Variants in CSF2RA observed in about 807,000 individuals in gnomAD.
CSF2RA encodes granulocyte-macrophage colony-stimulating factor receptor subunit alpha.
A neutral mutation model predicts 51.6 loss-of-function variants in CSF2RA; 42 were observed. That is an observed-to-expected ratio of 0.81 (90% CI 0.64 to 1.05). The LOEUF (loss-of-function observed/expected upper bound fraction) is 1.05. Ranked by LOEUF, CSF2RA falls within the 50% of genes least tolerant of loss-of-function variation. The pLI, the probability that CSF2RA is intolerant of heterozygous loss-of-function variation, is 0.00. For missense variants in CSF2RA, 530 were observed against 501.1 expected (o/e 1.06, Z -0.55); for synonymous variants, 222 against 193.0 (o/e 1.15, Z -1.24).
chrX:1,296,719 C>G (rs1429441827), intron 9 of CSF2RA, among the ~76,000 whole-genome samples: 1 of 17,836 alleles, frequency 5.6e-5, no homozygotes, highest in Admixed American at 4.5e-4. Flanking sequence ...CTCACGACCC[C>G]TACAGTCTCC....
rs145941431 is a variant in CSF2RA at position 1,306,515 on chromosome X, C to T, written c.1125+988C>T. On this transcript the variant is annotated intron_variant, in intron 12 of 12. Coordinates refer to ENST00000381529, the MANE Select transcript of CSF2RA (RefSeq NM_172245.4). Reference sequence around the variant, plus strand: ...TGCAAAAATTAGCCAGGTGTGGTGGCGCACACCTGTAATCCCACCTACTCT... The same window carrying T: ...TGCAAAAATTAGCCAGGTGTGGTGGTGCACACCTGTAATCCCACCTACTCT... 7.8e-3 allele frequency among the ~76,000 whole-genome samples: 1,176 copies of T among 151,572 alleles called. 10 individuals carry two copies. The highest frequency in any genetic ancestry group is 0.011 in the Non-Finnish European group (756 of 67,856).
intron 3 of CSF2RA, among the ~76,000 whole-genome samples, chrX:1,283,684 C>G (rs764199833): frequency 6.6e-6 from 1 of 152,000 alleles, no homozygotes; most frequent in South Asian, 2.1e-4. Flanking sequence ...TCTCCTGCCT[C>G]AGCCTCCCGA....
chrX:1,308,248 A>G (rs1328163913), intron 12 of CSF2RA, among the ~76,000 whole-genome samples: 1 of 152,122 alleles, frequency 6.6e-6, no homozygotes, highest in Non-Finnish European at 1.5e-5. Context: ...GGGACACGTC[A>G]TTGGTGCCGG....
At chrX:1,285,668 C>T in intron 3 of CSF2RA, 110 bp from the exon 4 acceptor site, 1 of 1,346,660 alleles carries the variant, frequency 7.4e-7, no homozygotes, top group Admixed American at 2.3e-5. Flanking sequence ...CAGCACTGCA[C>T]TCCAGCCTGG....
the CSF2RA span, among the ~76,000 whole-genome samples, chrX:1,315,464 C>T: frequency 5.9e-5 from 9 of 151,962 alleles, no homozygotes; most frequent in Admixed American, 1.3e-4. Flanking sequence ...AGTGCAGTGG[C>T]GCGATCTCAG....
intron 3 of CSF2RA, among the ~76,000 whole-genome samples, chrX:1,285,196 C>T (rs1269568341): frequency 3.3e-5 from 5 of 152,168 alleles, no homozygotes; most frequent in East Asian, 1.9e-4. Context: ...CCACCACCCC[C>T]AGTCTTCAGA....
At chrX:1,303,459 C>T (rs765973710) in intron 10 of CSF2RA, 7 of 435,344 alleles carry the variant, frequency 1.6e-5, no homozygotes, top group African/African-American at 4.0e-5. Flanking sequence ...AGGCTTGTCT[C>T]GAACTCCTGA....
In CSF2RA at chrX:1,297,291, A is replaced by C. The variant is rs28583195; in HGVS notation, c.810+1835A>C. Among the ~76,000 whole-genome samples the C allele has an allele frequency of 3.4e-3, 20 of 5,854 alleles. 2 individuals are homozygous for C. The highest frequency in any genetic ancestry group is 0.027 in the East Asian group (7 of 264). The allele number at this position is 5,854 out of a possible 152,430, so 3.8% of individuals were successfully genotyped here. On this transcript the variant is annotated intron_variant, in intron 9 of 12. Coordinates refer to ENST00000381529, the MANE Select transcript of CSF2RA (RefSeq NM_172245.4). ...CTACAGTCCCCTACTCACGACCCCT[A>C]CAGTCTCCTACCCATGACCCCTGGC...
intron 2 of CSF2RA, among the ~76,000 whole-genome samples, chrX:1,277,398 C>T (rs1414403505): frequency 6.7e-5 from 10 of 150,002 alleles, no homozygotes; most frequent in African/African-American, 2.5e-4. Flanking sequence ...GAGTTCGAGA[C>T]CAGCCTGACC....
At chrX:1,296,184 T>C (rs73618047) in intron 9 of CSF2RA, among the ~76,000 whole-genome samples, 5,310 of 140,446 alleles carry the variant, frequency 0.038, 331 homozygotes, top group African/African-American at 0.13. Flanking sequence ...CTACACCTAG[T>C]GTAACTAACC....
rs755064345 is a variant in CSF2RA, at chrX:1,309,522, C to T, written c.*43C>T. Reference sequence around the variant, plus strand: ...AATGGCATGGACATCTCCGCCTCCGCGACACGGGGGAACTGTTTTCTTGAT... The same window carrying T: ...AATGGCATGGACATCTCCGCCTCCGTGACACGGGGGAACTGTTTTCTTGAT... On this transcript the variant is annotated 3_prime_UTR_variant, in exon 13 of 13. Coordinates refer to ENST00000381529, the MANE Select transcript of CSF2RA (RefSeq NM_172245.4). 25 of 1,613,824 alleles carry T rather than the reference C, an allele frequency of 1.5e-5. No individual in the cohort carries two copies. In the East Asian group the frequency reaches 1.6e-4, roughly 10 times the overall value.
chrX:1,310,889 G>T (rs1376320574), downstream of CSF2RA, among the ~76,000 whole-genome samples: 1 of 151,940 alleles, frequency 6.6e-6, no homozygotes, highest in Non-Finnish European at 1.5e-5. Flanking sequence ...TAAATGGCTT[G>T]GTGCCTTTCT....
chrX:1,286,813 C>A (rs1360964978), intron 4 of CSF2RA, among the ~76,000 whole-genome samples: 3 of 152,064 alleles, frequency 2.0e-5, no homozygotes, highest in Non-Finnish European at 4.4e-5. Context: ...GCCCCTGGGT[C>A]TGTGGTGGAA....
the CSF2RA span, among the ~76,000 whole-genome samples, chrX:1,315,769 TAATA>T: frequency 9.7e-4 from 109 of 112,896 alleles, 1 homozygote; most frequent in African/African-American, 3.4e-3. Flanking sequence ...ATAAAATAGA[TAATA>T]GATAGATAGA....
chrX:1,323,056 G>A, the CSF2RA span, among the ~76,000 whole-genome samples: 2 of 151,898 alleles, frequency 1.3e-5, no homozygotes, highest in African/African-American at 4.8e-5. Context: ...GTGAACCCGG[G>A]AGGTGGAGGT....
intron 3 of CSF2RA, among the ~76,000 whole-genome samples, chrX:1,282,982 T>C (rs1329447538): frequency 6.6e-6 from 1 of 152,102 alleles, no homozygotes; most frequent in Non-Finnish European, 1.5e-5. Flanking sequence ...CATCCACCCA[T>C]TCTACAGATG....
At chrX:1,283,441 TTTC>T (rs1394136125) in intron 3 of CSF2RA, among the ~76,000 whole-genome samples, 1 of 149,256 alleles carries the variant, frequency 6.7e-6, no homozygotes, top group African/African-American at 2.5e-5. Context: ...TTCCATTGTT[TTTC>T]TTTCTTTCCT....
intron 10 of CSF2RA, among the ~76,000 whole-genome samples, chrX:1,303,079 A>T (rs1169153763): frequency 3.7e-5 from 5 of 135,222 alleles, no homozygotes; most frequent in Non-Finnish European, 7.9e-5. Flanking sequence ...TTATTTTGAG[A>T]TGGAGTTTCG....
At chrX:1,303,627 C>T (rs1463024371) in intron 10 of CSF2RA, among the ~76,000 whole-genome samples, 7 of 152,146 alleles carry the variant, frequency 4.6e-5, no homozygotes, top group Non-Finnish European at 7.4e-5. Context: ...CCTCCCGTGT[C>T]GGCCTCCCAA....
Sources: allele counts gnomAD v4.1 joint callset (sites outside exome capture counted in the v4.1 genomes callset), GRCh38; gene constraint gnomAD v4.1.1; transcripts MANE v1.5; gene names NCBI Gene and HGNC (gene_info 2026-07-23, HGNC 2026-07-21).